Variants in XRN1 observed in about 807,000 individuals in gnomAD.
XRN1 encodes the protein strand-exchange protein 1 homolog.
XRN1 carries 67 observed loss-of-function variants against 222.3 expected under a neutral mutation model. The ratio of observed to expected loss-of-function variants is 0.30; its 90% confidence interval spans 0.25 to 0.37. The LOEUF (loss-of-function observed/expected upper bound fraction) is 0.37. Among genes scored for constraint, XRN1 ranks in the 10% least tolerant of loss-of-function variants. XRN1 has a pLI of 1.00. For missense variants in XRN1, 1,707 were observed against 2,000.2 expected, an observed-to-expected ratio of 0.85 and a Z score of 2.80; for synonymous variants, 643 against 652.4, an observed-to-expected ratio of 0.99 and a Z score of 0.22.
chr3:142,344,096 TG>T (rs565055032), intron 33 of XRN1, among the ~76,000 whole-genome samples: 1 of 43,042 alleles, frequency 2.3e-5, no homozygotes, highest in Admixed American at 3.0e-4. Flanking sequence ...GGAAGAGTAG[TG>T]GGGGGGAGGG....
chr3:142,377,288 T>C (rs2067173758), intron 23 of XRN1, among the ~76,000 whole-genome samples: 1 of 149,936 alleles, frequency 6.7e-6, no homozygotes, highest in South Asian at 2.1e-4. Flanking sequence ...ATGAATCCAA[T>C]ACTAACTAGG....
At chr3:142,385,438 T>C (rs891438724) in intron 20 of XRN1, among the ~76,000 whole-genome samples, 1 of 152,202 alleles carries the variant, frequency 6.6e-6, no homozygotes, top group Admixed American at 6.5e-5. Flanking sequence ...AGACAGAAAA[T>C]AGATTGGGGG....
intron 33 of XRN1, among the ~76,000 whole-genome samples, chr3:142,336,535 G>A (rs1404704685): frequency 6.6e-6 from 1 of 151,518 alleles, no homozygotes; most frequent in Non-Finnish European, 1.5e-5. Context: ...AGGAGGGCAT[G>A]GGAGGAGGGA....
At chr3:142,405,131 A>G in intron 15 of XRN1, 55 bp from the exon 16 acceptor site, 1 of 1,546,742 alleles carries the variant, frequency 6.5e-7, no homozygotes, top group Non-Finnish European at 8.9e-7. Flanking sequence ...CATAATCTCA[A>G]CAAACAGAAT....
At chr3:142,432,509 T>C in intron 2 of XRN1, 152 bp downstream of exon 2, 1 of 715,402 alleles carries the variant, frequency 1.4e-6, no homozygotes, top group Non-Finnish European at 2.3e-6. Context: ...ATTACTCGAC[T>C]GGTAAAATAT....
At chr3:142,425,626 G>A (rs533370334) in intron 3 of XRN1, 88 bp from the exon 4 acceptor site, 8 of 1,051,766 alleles carry the variant, frequency 7.6e-6, no homozygotes, top group South Asian at 3.0e-5. Context: ...ATCTGAGTAC[G>A]CCGGGAATAG....
At position 142,412,680 on chromosome 3, in the gene XRN1, T is replaced by G. The variant is rs775485392; in HGVS notation, c.1594-17A>C. ...CATCAAATGCTGTGAAAATATGAAA[T>G]AGTATAATAGAAATATAAGAACTAA... On this transcript the variant is annotated splice_polypyrimidine_tract_variant and intron_variant, in intron 14 of 40. Coordinates refer to ENST00000392981, the MANE Select transcript of XRN1 (RefSeq NM_001282857.2). The G allele has an allele frequency of 3.3e-6, 5 of 1,500,364 alleles. No homozygotes were observed. The highest frequency in any genetic ancestry group is 4.5e-6 in the Non-Finnish European group (5 of 1,103,464). The allele number at this position is 1,500,364 out of a possible 1,614,324, so 92.9% of individuals were successfully genotyped here.
At chr3:142,391,619 T>A (rs1389153343) in intron 20 of XRN1, among the ~76,000 whole-genome samples, 1 of 151,724 alleles carries the variant, frequency 6.6e-6, no homozygotes, top group Non-Finnish European at 1.5e-5. Context: ...GTCCCAGCTA[T>A]TGCAGAGGCG....
chr3:142,377,557 G>A (rs2067181626), intron 23 of XRN1, among the ~76,000 whole-genome samples: 1 of 152,104 alleles, frequency 6.6e-6, no homozygotes, highest in Non-Finnish European at 1.5e-5. Context: ...CAACTGTCCT[G>A]CCATATACAA....
intron 19 of XRN1, among the ~76,000 whole-genome samples, chr3:142,399,608 A>G (rs950446714): frequency 1.3e-5 from 2 of 152,066 alleles, no homozygotes; most frequent in Non-Finnish European, 2.9e-5. Context: ...AAGGTAGGGG[A>G]ATTAAATTCT....
intron 2 of XRN1, among the ~76,000 whole-genome samples, chr3:142,428,822 A>G (rs1029352770): frequency 6.6e-6 from 1 of 152,252 alleles, no homozygotes; most frequent in Non-Finnish European, 1.5e-5. Flanking sequence ...GGAGACATTT[A>G]GTAGGCATTT....
chr3:142,353,858 G>A lies in XRN1; in HGVS notation c.3768+1543C>T, dbSNP rs1207443200. ...TAATTAAACTAAAGAGTTTCTGCTC[G>A]CTAAAAAAATTATCAACAGAGTAAA... On this transcript the variant is annotated intron_variant, in intron 32 of 40. Transcript: ENST00000392981. 5.3e-5 allele frequency among the ~76,000 whole-genome samples: 8 copies of A among 152,120 alleles called. No individual in the cohort carries two copies. In the East Asian group the frequency reaches 7.7e-4, roughly 15 times the overall value.
intron 20 of XRN1, among the ~76,000 whole-genome samples, chr3:142,386,671 G>A (rs2067513502): frequency 6.6e-6 from 1 of 152,014 alleles, no homozygotes; most frequent in South Asian, 2.1e-4. Context: ...ATTTTAAAAA[G>A]GGCAACAGAC....
chr3:142,439,107 T>C (rs916015891), intron 1 of XRN1, among the ~76,000 whole-genome samples: 6 of 152,172 alleles, frequency 3.9e-5, no homozygotes, highest in Admixed American at 3.3e-4. Flanking sequence ...CAAATTAAAA[T>C]AGATCTAGGT....
chr3:142,355,518 C>G, intron 31 of XRN1, 22 bp from the exon 32 acceptor site: 1 of 1,421,472 alleles, frequency 7.0e-7, no homozygotes. Flanking sequence ...CAAACAATTT[C>G]TTGAGAAAAT....
chr3:142,358,320 C>T (rs1295700890), intron 30 of XRN1, among the ~76,000 whole-genome samples: 3 of 152,012 alleles, frequency 2.0e-5, no homozygotes, highest in South Asian at 4.1e-4. Context: ...CTTTGATAAA[C>T]GTGTCAGATA....
At position 142,414,251 on chromosome 3, in the gene XRN1, G is replaced by A. The variant is rs369213141; in HGVS notation, c.1477C>T (p.His493Tyr). 4.3e-6 allele frequency: 7 copies of A among 1,613,186 alleles called. No homozygotes were observed. Among genetic ancestry groups the A allele is most frequent in the Non-Finnish European group, 5.9e-6 (7 of 1,179,546 alleles). ...YHYAPFLSDI[H>Y]NISTLKIHFE... is the part of the protein sequence containing the mutation. ...TGGATTTTGAGTGTACTGATGTTGTGTATATCAGACAGGAAAGGTGCATAA... is the reference window on the plus strand; with the variant it reads ...TGGATTTTGAGTGTACTGATGTTGTATATATCAGACAGGAAAGGTGCATAA... The change falls in exon 14 of 41, where the codon CAC becomes TAC. Residue 493 changes from histidine to tyrosine, a missense_variant. Physicochemically the swap from His to Tyr is moderately conservative, Grantham distance 83 (BLOSUM62 2). Transcript: ENST00000392981.
chr3:142,382,044 G>T (rs1011088947), intron 22 of XRN1, among the ~76,000 whole-genome samples: 3 of 152,158 alleles, frequency 2.0e-5, no homozygotes, highest in Non-Finnish European at 4.4e-5. Context: ...CCTCCAAAGG[G>T]TATTACATCT....
intron 33 of XRN1, among the ~76,000 whole-genome samples, chr3:142,345,363 G>A (rs954114130): frequency 6.6e-6 from 1 of 152,136 alleles, no homozygotes; most frequent in Admixed American, 6.6e-5. Context: ...GAATGAATAT[G>A]AACTCCTACA....
Sources: gnomAD v4.1 joint callset for allele counts (sites outside exome capture counted in the v4.1 genomes callset) on GRCh38, gnomAD v4.1.1 for gene constraint, MANE v1.5 for transcripts, NCBI Gene and HGNC (gene_info 2026-07-23, HGNC 2026-07-21) for gene names.